NIPBL: variants seen among roughly 807,000 people sequenced by gnomAD.
The protein encoded by NIPBL is nipped-B-like protein.
A neutral mutation model predicts 321.8 loss-of-function variants in NIPBL; 19 were observed. The observed-to-expected ratio is 0.06, with a 90% CI of 0.04 to 0.09. The LOEUF (loss-of-function observed/expected upper bound fraction) is 0.09, where lower values mean the gene tolerates loss of function less well. Ranked by LOEUF, NIPBL falls within the 10% of genes least tolerant of loss-of-function variation. The probability of loss-of-function intolerance (pLI) is 1.00; values close to 1 mark genes in which losing one functional copy is unlikely to be tolerated. For missense variants in NIPBL, 2,210 were observed against 3,327.0 expected, an observed-to-expected ratio of 0.66 and a Z score of 8.26; for synonymous variants, 1,106 against 1,114.1, an observed-to-expected ratio of 0.99 and a Z score of 0.14.
chr5:36,950,430 A>C (rs888573315), intron 1 of NIPBL, among the ~76,000 whole-genome samples: 1 of 151,490 alleles, frequency 6.6e-6, no homozygotes, highest in Admixed American at 6.6e-5. Flanking sequence ...TACTTTCCTC[A>C]CTCTTCCATT....
At chr5:36,904,084 T>C (rs955990688) in intron 1 of NIPBL, among the ~76,000 whole-genome samples, 1 of 152,210 alleles carries the variant, frequency 6.6e-6, no homozygotes, top group Non-Finnish European at 1.5e-5. Flanking sequence ...TGAGATAATA[T>C]AAATAGAAGT....
chr5:36,920,506 CTG>C (rs1397102614), intron 1 of NIPBL, among the ~76,000 whole-genome samples: 1 of 152,090 alleles, frequency 6.6e-6, no homozygotes, highest in Non-Finnish European at 1.5e-5. Flanking sequence ...AATCTAATGA[CTG>C]ATAGTATTTT....
chr5:36,950,009 A>G (rs952709481), intron 1 of NIPBL, among the ~76,000 whole-genome samples: 1 of 151,998 alleles, frequency 6.6e-6, no homozygotes, highest in African/African-American at 2.4e-5. Context: ...GCCATTCTTA[A>G]ATTTAGTTTA....
At chr5:36,891,225 A>G (rs1310264962) in intron 1 of NIPBL, among the ~76,000 whole-genome samples, 2 of 152,188 alleles carry the variant, frequency 1.3e-5, no homozygotes, top group Non-Finnish European at 2.9e-5. Flanking sequence ...AGATAGCACC[A>G]CTGCACTCTG....
intron 6 of NIPBL, among the ~76,000 whole-genome samples, chr5:36,964,288 C>A (rs1317864100): frequency 2.0e-5 from 3 of 151,972 alleles, no homozygotes; most frequent in African/African-American, 7.2e-5. Flanking sequence ...CCCCAAATTT[C>A]CAAAGCAATC....
At chr5:36,970,812 T>C (rs560135719) in intron 6 of NIPBL, 64 bp from the exon 7 acceptor site, 76 of 1,354,600 alleles carry the variant, frequency 5.6e-5, no homozygotes, top group Non-Finnish European at 7.4e-5. Flanking sequence ...TTGTGAATAA[T>C]TACTATTCTC....
intron 34 of NIPBL, among the ~76,000 whole-genome samples, chr5:37,040,710 T>C (rs188518482): frequency 7.1e-4 from 108 of 152,338 alleles, no homozygotes; most frequent in African/African-American, 2.4e-3. Flanking sequence ...GTTGGAACAG[T>C]TTCTGAGAAG....
intron 1 of NIPBL, chr5:36,886,262 A>G: frequency 1.5e-6 from 1 of 667,358 alleles, no homozygotes; most frequent in South Asian, 1.5e-5. Context: ...GCACAGACCC[A>G]GGCAGAGGGG....
chr5:37,005,383 T>C (rs930864332), intron 16 of NIPBL, among the ~76,000 whole-genome samples: 9 of 152,176 alleles, frequency 5.9e-5, no homozygotes, highest in Non-Finnish European at 1.0e-4. Context: ...ATAATCATCA[T>C]CAGAAATCTA....
chr5:37,014,240 GAGA>G (rs1487756843), intron 21 of NIPBL, among the ~76,000 whole-genome samples: 4 of 146,894 alleles, frequency 2.7e-5, no homozygotes, highest in African/African-American at 4.9e-5. Context: ...GAGGGAGAGG[GAGA>G]AGGAGAGGGA....
chr5:37,051,482 A>C lies in NIPBL; in HGVS notation c.6955-297A>C, dbSNP rs148907666. 2.2e-3 allele frequency: 876 copies of C among 405,748 alleles called. 2 individuals are homozygous for C. Among genetic ancestry groups the C allele is most frequent in the Non-Finnish European group, 2.5e-3 (570 of 227,030 alleles). 25.1% of individuals were successfully genotyped at this position (405,748 alleles called of 1,614,324 possible). On this transcript the variant is annotated intron_variant, in intron 40 of 46. Coordinates refer to ENST00000282516, the MANE Select transcript of NIPBL (RefSeq NM_133433.4). ...ATTATACATTTGTAGTCTATATCAT[A>C]ATCTTAAATAGATATTCTTAGTGTG...
At chr5:36,986,492 G>GT (rs1327021732) in intron 10 of NIPBL, among the ~76,000 whole-genome samples, 191 bp downstream of exon 10, 3 of 151,746 alleles carry the variant, frequency 2.0e-5, no homozygotes, top group Non-Finnish European at 2.9e-5. Context: ...TTTCCCCACA[G>GT]TTTTTTTCTT....
At chr5:36,925,310 C>G (rs1367170756) in intron 1 of NIPBL, among the ~76,000 whole-genome samples, 1 of 150,862 alleles carries the variant, frequency 6.6e-6, no homozygotes, top group Non-Finnish European at 1.5e-5. Context: ...CTCTTGTTGC[C>G]CAGGCTGGTG....
In NIPBL at chr5:37,002,662, GTGA is replaced by G. The variant is rs772674746; in HGVS notation, c.3675_3677del (p.Asp1225del). On this transcript the variant is annotated inframe_deletion and splice_region_variant, in exon 15 of 47. Transcript: ENST00000282516. ...GTGTTTGTTTGGCTTGATTTTGCAG[GTGA>G]TGATGATGAAATTCCTCAGGAACTG... The G allele has an allele frequency of 2.5e-5, 40 of 1,593,462 alleles. No individual in the cohort carries two copies. Among genetic ancestry groups the G allele is most frequent in the Admixed American group, 1.7e-4 (10 of 59,864 alleles).
intron 21 of NIPBL, among the ~76,000 whole-genome samples, chr5:37,012,339 G>A (rs566100147): frequency 4.7e-5 from 7 of 149,814 alleles, no homozygotes; most frequent in Admixed American, 1.3e-4. Flanking sequence ...TTTTATCTTG[G>A]TGATATTCTC....
chr5:36,885,425 A>G (rs1180107169), intron 1 of NIPBL: 2 of 456,952 alleles, frequency 4.4e-6, no homozygotes, highest in African/African-American at 4.0e-5. Context: ...TCTGGCAGGA[A>G]TGGGAGGCAT....
In NIPBL at chr5:36,976,275, A is replaced by G. The variant is rs1232265480; in HGVS notation, c.1368A>G (p.Gln456=). The change falls in exon 9 of 47, where the codon CAA becomes CAG. Residue 456 remains glutamine (Q), a synonymous_variant. Coordinates refer to ENST00000282516, the MANE Select transcript of NIPBL (RefSeq NM_133433.4). ...CCCAGACTTCTGTGGTACAGAATCAACAACAGATATCACAACAGGGACCTA... is the reference window on the plus strand; with the variant it reads ...CCCAGACTTCTGTGGTACAGAATCAGCAACAGATATCACAACAGGGACCTA... The part of the protein sequence containing the change: ...KQPQTSVVQN[Q]QQISQQGPIY... The G allele has an allele frequency of 1.9e-6, 3 of 1,613,900 alleles. No homozygotes were observed. Among genetic ancestry groups the G allele is most frequent in the Admixed American group, 1.7e-5 (1 of 60,000 alleles).
intron 1 of NIPBL, among the ~76,000 whole-genome samples, chr5:36,892,471 A>G (rs1035031418): frequency 1.3e-5 from 2 of 152,330 alleles, no homozygotes; most frequent in East Asian, 1.9e-4. Flanking sequence ...TCATGCTGCT[A>G]TAAAGACACA....
intron 34 of NIPBL, among the ~76,000 whole-genome samples, chr5:37,039,112 G>A (rs560285638): frequency 1.4e-4 from 22 of 151,864 alleles, no homozygotes; most frequent in African/African-American, 5.3e-4. Flanking sequence ...GATACCCATT[G>A]CTTGAAGCAC....
Sources: gnomAD v4.1 joint callset for allele counts (sites outside exome capture counted in the v4.1 genomes callset) on GRCh38, gnomAD v4.1.1 for gene constraint, MANE v1.5 for transcripts, NCBI Gene and HGNC (gene_info 2026-07-23, HGNC 2026-07-21) for gene names.